TMEM131L: variants seen among roughly 807,000 people sequenced by gnomAD.
TMEM131L encodes the protein transmembrane protein 131-like.
Under a neutral mutation model 192.2 loss-of-function variants are expected in TMEM131L, and 54 were observed. That is an observed-to-expected ratio of 0.28 (90% CI 0.23 to 0.35). TMEM131L has a LOEUF of 0.35. TMEM131L is among the 10% of genes least tolerant of loss of function. The pLI is 1.00. For synonymous variants in TMEM131L, 701 were observed against 704.9 expected (o/e 0.99, Z 0.09); for missense variants, 1,888 against 1,972.9 (o/e 0.96, Z 0.82).
At chr4:153,547,018 C>T (rs570940972) in intron 3 of TMEM131L, among the ~76,000 whole-genome samples, 144 of 152,238 alleles carry the variant, frequency 9.5e-4, no homozygotes, top group African/African-American at 2.9e-3. Context: ...TACCTGCAAG[C>T]GCTTTTAAAT....
chr4:153,590,503 G>A (rs759643633), intron 16 of TMEM131L, among the ~76,000 whole-genome samples: 1 of 152,174 alleles, frequency 6.6e-6, no homozygotes, highest in Non-Finnish European at 1.5e-5. Flanking sequence ...ATAAATCTGT[G>A]CTGTGATAAT....
chr4:153,511,434 G>A (rs975239441), intron 3 of TMEM131L, among the ~76,000 whole-genome samples: 10 of 152,100 alleles, frequency 6.6e-5, no homozygotes, highest in African/African-American at 2.2e-4. Context: ...ATAATAACAC[G>A]TGGAAACATA....
intron 3 of TMEM131L, among the ~76,000 whole-genome samples, chr4:153,539,768 T>G (rs1488684266): frequency 6.6e-6 from 1 of 151,792 alleles, no homozygotes; most frequent in Non-Finnish European, 1.5e-5. Flanking sequence ...TTTGTATTTG[T>G]CTGAAGATCA....
At chr4:153,586,139 A>G in intron 13 of TMEM131L, 70 bp from the exon 14 acceptor site, 2 of 1,137,846 alleles carry the variant, frequency 1.8e-6, no homozygotes, top group South Asian at 1.8e-5. Flanking sequence ...TGTTAGCATC[A>G]TACTTTATAA....
intron 7 of TMEM131L, among the ~76,000 whole-genome samples, chr4:153,565,847 T>A (rs1320838421): frequency 6.6e-6 from 1 of 152,220 alleles, no homozygotes; most frequent in African/African-American, 2.4e-5. Context: ...TAACTAAATA[T>A]ATGGCGAGGT....
chr4:153,468,350 C>T (rs1730914202), intron 2 of TMEM131L, among the ~76,000 whole-genome samples: 1 of 151,814 alleles, frequency 6.6e-6, no homozygotes, highest in Non-Finnish European at 1.5e-5. Flanking sequence ...GGCCAGCAGC[C>T]TGAATGAGAC....
At chr4:153,521,962 A>G (rs1045338280) in intron 3 of TMEM131L, among the ~76,000 whole-genome samples, 10 of 151,894 alleles carry the variant, frequency 6.6e-5, no homozygotes, top group African/African-American at 2.4e-4. Context: ...AAAAGATTAC[A>G]TTATTCCCCT....
At chr4:153,595,114 T>C (rs1724032550) in intron 19 of TMEM131L, among the ~76,000 whole-genome samples, 1 of 152,204 alleles carries the variant, frequency 6.6e-6, no homozygotes, top group African/African-American at 2.4e-5. Flanking sequence ...ATTTATTACA[T>C]TGATGAAAAG....
At chr4:153,472,306 A>G (rs2149727688) in intron 2 of TMEM131L, among the ~76,000 whole-genome samples, 1 of 152,330 alleles carries the variant, frequency 6.6e-6, no homozygotes, top group East Asian at 1.9e-4. Flanking sequence ...TGTGAGTTTC[A>G]GTACAGTTTG....
intron 3 of TMEM131L, among the ~76,000 whole-genome samples, chr4:153,535,650 A>G (rs1040253078): frequency 2.6e-5 from 4 of 152,180 alleles, no homozygotes; most frequent in Non-Finnish European, 4.4e-5. Flanking sequence ...AGAAATAACT[A>G]TAAGCTGTAT....
At chr4:153,617,477 G>A (rs375121662) in intron 26 of TMEM131L, among the ~76,000 whole-genome samples, 36 of 152,228 alleles carry the variant, frequency 2.4e-4, no homozygotes, top group African/African-American at 8.4e-4. Flanking sequence ...TCCTCTGTGC[G>A]GCAAAAATTG....
At chr4:153,513,195 T>C (rs1266632289) in intron 3 of TMEM131L, among the ~76,000 whole-genome samples, 4 of 152,214 alleles carry the variant, frequency 2.6e-5, no homozygotes, top group African/African-American at 7.2e-5. Context: ...GCTGGCCTAA[T>C]GGAAAAATAA....
At chr4:153,542,220 T>C (rs1234434459) in intron 3 of TMEM131L, among the ~76,000 whole-genome samples, 3 of 151,908 alleles carry the variant, frequency 2.0e-5, no homozygotes, top group Non-Finnish European at 2.9e-5. Flanking sequence ...ATGGAAGAGA[T>C]AGGCAGAGGA....
At chr4:153,545,083 G>C (rs540856090) in intron 3 of TMEM131L, among the ~76,000 whole-genome samples, 4 of 152,198 alleles carry the variant, frequency 2.6e-5, no homozygotes, top group African/African-American at 9.6e-5. Context: ...TCTGATATCA[G>C]CAGACAGATT....
chr4:153,624,717 G>A (rs11936854), intron 29 of TMEM131L, among the ~76,000 whole-genome samples: 1 of 152,048 alleles, frequency 6.6e-6, no homozygotes, highest in Non-Finnish European at 1.5e-5. Flanking sequence ...TTGAACCCCG[G>A]GCTTCTTCCC....
At chr4:153,483,888 T>C (rs1732121737) in intron 3 of TMEM131L, among the ~76,000 whole-genome samples, 1 of 152,134 alleles carries the variant, frequency 6.6e-6, no homozygotes, top group Non-Finnish European at 1.5e-5. Context: ...TTCAGATTGC[T>C]TTCACTTGTC....
rs550709460 is a variant in TMEM131L at position 153,621,555 on chromosome 4, A to C, written c.3693-128A>C. 10 of 845,136 alleles carry C rather than the reference A, an allele frequency of 1.2e-5. No homozygotes were observed. The African/African-American group carries it at 1.7e-4, about 14-fold the overall frequency. The allele number at this position is 845,136 out of a possible 1,614,324, so 52.4% of individuals were successfully genotyped here. On this transcript the variant is annotated intron_variant, in intron 27 of 34. Transcript: ENST00000409959. ...CTCATCATACTCTTCCACCAGACCC[A>C]AAGAGAGGAGGACTCCTATTGTCCC...
chr4:153,608,960 CAT>C (rs1293282574), intron 25 of TMEM131L, among the ~76,000 whole-genome samples: 5 of 152,136 alleles, frequency 3.3e-5, no homozygotes, highest in Non-Finnish European at 4.4e-5. Context: ...AGGGCATTAA[CAT>C]GTGCACCTCC....
intron 18 of TMEM131L, 63 bp from the exon 19 acceptor site, chr4:153,593,736 A>C: frequency 9.4e-7 from 1 of 1,069,358 alleles, no homozygotes; most frequent in East Asian, 2.4e-5. Flanking sequence ...GCACACACTT[A>C]TTAAATCTTT....
Sources: allele counts gnomAD v4.1 joint callset (sites outside exome capture counted in the v4.1 genomes callset), GRCh38; gene constraint gnomAD v4.1.1; transcripts MANE v1.5; gene names NCBI Gene and HGNC (gene_info 2026-07-23, HGNC 2026-07-21).